The following RSRP1 variants were observed in gnomAD, a reference collection of about 807,000 sequenced individuals.
The protein encoded by RSRP1 is arginine/serine-rich protein 1.
RSRP1 carries 37 observed loss-of-function variants against 33.0 expected under a neutral mutation model. The ratio of observed to expected loss-of-function variants is 1.12; its 90% CI spans 0.86 to 1.48. The LOEUF (loss-of-function observed/expected upper bound fraction) is 1.48. Among genes scored for constraint, RSRP1 ranks in the 40% most tolerant of loss-of-function variants. The pLI is 0.00. For missense variants in RSRP1, 402 were observed against 385.3 expected, an observed-to-expected ratio of 1.04 and a Z score of -0.36; for synonymous variants, 167 against 158.7, an observed-to-expected ratio of 1.05 and a Z score of -0.40.
In RSRP1 at chr1:25,321,875, A is replaced by G. The variant is rs368850896; in HGVS notation, c.-67+16103T>C. On this transcript the variant is annotated intron_variant, in intron 1 of 1. Coordinates refer to the RSRP1 transcript ENST00000561867. ...GCTCCAAATCTTTTAACATTAAATTATGCATTTAAACAGGTTTGCTCCTAA... is the reference window on the plus strand; with the variant it reads ...GCTCCAAATCTTTTAACATTAAATTGTGCATTTAAACAGGTTTGCTCCTAA... 1.1e-5 allele frequency: 13 copies of G among 1,156,148 alleles called. 2 individuals are homozygous for G. The African/African-American group carries it at 1.9e-4, about 17-fold the overall frequency. 71.6% of individuals were successfully genotyped at this position (1,156,148 alleles called of 1,614,324 possible).
chr1:25,329,246 T>TC (rs1459379614), intron 1 of RSRP1: 1 of 634,340 alleles, frequency 1.6e-6, no homozygotes, highest in Admixed American at 3.3e-5. Flanking sequence ...TGTTTTTTTT[T>TC]TTTTTTTTTT....
At chr1:25,261,531 A>C (rs2744926) in intron 1 of RSRP1, among the ~76,000 whole-genome samples, 1 of 149,718 alleles carries the variant, frequency 6.7e-6, no homozygotes, top group Non-Finnish European at 1.5e-5. Context: ...CAGTCTCCCG[A>C]GTAGCTGGGC....
In RSRP1 at chr1:25,260,696, C is replaced by T. The variant is rs540072878; in HGVS notation, c.-66-13667G>A. On this transcript the variant is annotated intron_variant, in intron 1 of 1. Coordinates refer to the RSRP1 transcript ENST00000561867. ...CTGGAAGTTCAAGGTGCCGGCAAGGCTGGTTTCTGGTGAGACCTCTCTCCC... is the reference window on the plus strand; with the variant it reads ...CTGGAAGTTCAAGGTGCCGGCAAGGTTGGTTTCTGGTGAGACCTCTCTCCC... Among the ~76,000 whole-genome samples, 567 of 152,112 alleles carry T rather than the reference C, an allele frequency of 3.7e-3. 4 individuals carry two copies. Among genetic ancestry groups the T allele is most frequent in the African/African-American group, 0.013 (530 of 41,512 alleles).
rs552716115 is a variant in RSRP1 at position 25,319,579 on chromosome 1, A to G, written c.-67+18399T>C. Among the ~76,000 whole-genome samples the G allele has an allele frequency of 6.8e-5, 9 of 132,546 alleles. 1 individual carries two copies. Among genetic ancestry groups the G allele is most frequent in the African/African-American group, 2.3e-4 (9 of 38,976 alleles). The allele number at this position is 132,546 out of a possible 152,430, so 87.0% of individuals were successfully genotyped here. ...AGCTGAGATCATGCCACTGCACTCCAGCCTGGACAACAGAGCAAGACCCTG... is the reference window on the plus strand; with the variant it reads ...AGCTGAGATCATGCCACTGCACTCCGGCCTGGACAACAGAGCAAGACCCTG... On this transcript the variant is annotated intron_variant, in intron 1 of 1. Coordinates refer to the RSRP1 transcript ENST00000561867.
intron 1 of RSRP1, among the ~76,000 whole-genome samples, chr1:25,261,825 C>T (rs1254799326): frequency 9.3e-5 from 14 of 151,158 alleles, no homozygotes; most frequent in Non-Finnish European, 1.5e-4. Flanking sequence ...GATTCTCCCA[C>T]CTCTGCCTCC....
chr1:25,247,058 C>G, intron 1 of RSRP1, 29 bp from the exon 2 acceptor site: 1 of 1,312,212 alleles, frequency 7.6e-7, no homozygotes, highest in South Asian at 1.9e-5. Context: ...AAAAACAAGT[C>G]GAGTCGCGGA....
intron 1 of RSRP1, chr1:25,267,865 A>C (rs1640363168): frequency 7.6e-6 from 1 of 131,352 alleles, no homozygotes; most frequent in Non-Finnish European, 1.8e-5. Flanking sequence ...TCCAGCTGTG[A>C]ACCCAGAGCG....
At chr1:25,298,750 C>T (rs1230964006) in intron 1 of RSRP1, among the ~76,000 whole-genome samples, 1 of 131,326 alleles carries the variant, frequency 7.6e-6, no homozygotes, top group East Asian at 2.0e-4. Flanking sequence ...ATACAACTCT[C>T]ATGGAACGTC....
At chr1:25,247,179 G>A in intron 1 of RSRP1, 130 bp downstream of exon 1, 1 of 497,706 alleles carries the variant, frequency 2.0e-6, no homozygotes, top group Non-Finnish European at 3.5e-6. Flanking sequence ...ACCCCGCTCG[G>A]CGCCCTGAGG....
intron 3 of RSRP1, chr1:25,244,656 TAA>T: frequency 8.2e-7 from 1 of 1,222,686 alleles, no homozygotes; most frequent in East Asian, 5.7e-5. Flanking sequence ...AACGGTGTTA[TAA>T]GAGTACACTG....
Position 25,266,655 on chromosome 1 carries a change from G to A in RSRP1, c.-66-19626C>T, listed in dbSNP as rs1312515812. ...GTTCCCATCTCACTCATATACTGCC[G>A]CCGTACATGTCAATCAGATGAACCT... On this transcript the variant is annotated intron_variant, in intron 1 of 1. Coordinates refer to the RSRP1 transcript ENST00000561867. The A allele has an allele frequency of 1.5e-5, 2 of 130,246 alleles. 1 individual carries two copies. Among genetic ancestry groups the A allele is most frequent in the Non-Finnish European group, 3.6e-5 (2 of 56,290 alleles). 8.1% of individuals were successfully genotyped at this position (130,246 alleles called of 1,614,324 possible). A position where few individuals can be genotyped will look rare whatever the true frequency, so the allele number is the denominator to read the frequency against.
intron 1 of RSRP1, among the ~76,000 whole-genome samples, chr1:25,320,790 G>A (rs1479059004): frequency 1.5e-5 from 2 of 131,718 alleles, no homozygotes; most frequent in East Asian, 2.0e-4. Context: ...ACCTGTAATC[G>A]CAGCCATTTA....
intron 1 of RSRP1, among the ~76,000 whole-genome samples, chr1:25,286,883 A>T (rs1346275068): frequency 7.4e-6 from 1 of 134,552 alleles, no homozygotes; most frequent in African/African-American, 2.6e-5. Flanking sequence ...ACCTGAGGTC[A>T]GGAGTCCGAG....
chr1:25,242,485 G>A lies in RSRP1; in HGVS notation c.*104C>T, dbSNP rs894871803. ...CATCTTTTTGTGTTGGTTTTTAAAT[G>A]CACAAGTACCCCTGAATGGCTCAAA... On this transcript the variant is annotated 3_prime_UTR_variant, in exon 5 of 5. Transcript: ENST00000243189. The A allele has an allele frequency of 1.2e-5, 8 of 674,390 alleles. No individual in the cohort carries two copies. In the African/African-American group the frequency reaches 1.4e-4, roughly 12 times the overall value. The allele number at this position is 674,390 out of a possible 1,614,324, so 41.8% of individuals were successfully genotyped here. A position where few individuals can be genotyped will look rare whatever the true frequency, so the allele number is the denominator to read the frequency against.
At chr1:25,336,168 T>C (rs1417189467) in intron 1 of RSRP1, 1 of 72,346 alleles carries the variant, frequency 1.4e-5, no homozygotes, top group Non-Finnish European at 2.6e-5. Context: ...TTCACATCTA[T>C]ATCATCAAAA....
At chr1:25,292,441 G>C (rs1404732439) in intron 1 of RSRP1, among the ~76,000 whole-genome samples, 1 of 132,388 alleles carries the variant, frequency 7.6e-6, no homozygotes, top group Non-Finnish European at 1.8e-5. Flanking sequence ...GTTGGATCCT[G>C]ACTGTATTTT....
intron 1 of RSRP1, among the ~76,000 whole-genome samples, chr1:25,255,839 T>C (rs1639930272): frequency 6.6e-6 from 1 of 152,118 alleles, no homozygotes; most frequent in African/African-American, 2.4e-5. Context: ...GGGAATCTAA[T>C]GCTGCGGCTG....
At chr1:25,247,178 G>C in intron 1 of RSRP1, 131 bp downstream of exon 1, 3 of 498,266 alleles carry the variant, frequency 6.0e-6, no homozygotes, top group Non-Finnish European at 7.0e-6. Context: ...AACCCCGCTC[G>C]GCGCCCTGAG....
intron 1 of RSRP1, among the ~76,000 whole-genome samples, chr1:25,265,531 A>T (rs1429131013): frequency 1.0e-5 from 1 of 95,296 alleles, no homozygotes; most frequent in African/African-American, 3.6e-5. Flanking sequence ...GCAGTGGCAC[A>T]ATCTTGGCTC....
Sources: gnomAD v4.1 joint callset for allele counts (sites outside exome capture counted in the v4.1 genomes callset) on GRCh38, gnomAD v4.1.1 for gene constraint, MANE v1.5 for transcripts, NCBI Gene and HGNC (gene_info 2026-07-23, HGNC 2026-07-21) for gene names.